Variants in CEP170 observed in about 807,000 individuals in gnomAD.
CEP170 encodes the protein centrosomal protein 170.
In CEP170, 21 loss-of-function variants were observed where a neutral mutation model predicts 151.9. The ratio of observed to expected loss-of-function variants is 0.14; its 90% CI spans 0.10 to 0.20. CEP170 has a LOEUF of 0.20. Ranked by LOEUF, CEP170 falls within the 10% of genes least tolerant of loss-of-function variation. The probability of loss-of-function intolerance (pLI) is 1.00; values close to 1 mark genes in which losing one functional copy is unlikely to be tolerated. For missense variants in CEP170, 964 were observed against 1,892.9 expected (o/e 0.51, Z 9.11); for synonymous variants, 356 against 648.8 (o/e 0.55, Z 6.86).
At chr1:243,152,820 C>T (rs900826030) in intron 14 of CEP170, among the ~76,000 whole-genome samples, 2 of 152,176 alleles carry the variant, frequency 1.3e-5, no homozygotes, top group Admixed American at 1.3e-4. Flanking sequence ...CGTGAACCAC[C>T]GTGCCTGGCC....
intron 4 of CEP170, among the ~76,000 whole-genome samples, chr1:243,202,544 T>G (rs1042675722): frequency 6.6e-6 from 1 of 151,882 alleles, no homozygotes; most frequent in Non-Finnish European, 1.5e-5. Flanking sequence ...CATATTTATA[T>G]AATATGAATT....
chr1:243,222,150 T>C (rs1572434944), intron 2 of CEP170, among the ~76,000 whole-genome samples: 1 of 152,358 alleles, frequency 6.6e-6, no homozygotes, highest in East Asian at 1.9e-4. Flanking sequence ...AATTTTACCA[T>C]GTTTTACATA....
At chr1:243,134,059 A>G (rs1422854181) in intron 17 of CEP170, among the ~76,000 whole-genome samples, 1 of 152,214 alleles carries the variant, frequency 6.6e-6, no homozygotes, top group Admixed American at 6.5e-5. Flanking sequence ...GATTTTAATA[A>G]TAAGAAAAAG....
upstream of CEP170, among the ~76,000 whole-genome samples, chr1:243,255,670 C>T (rs1408538608): frequency 2.0e-5 from 3 of 152,240 alleles, no homozygotes; most frequent in Admixed American, 2.0e-4. Context: ...TCAGAGTTTA[C>T]TATCTGCGTC....
intron 1 of CEP170, among the ~76,000 whole-genome samples, chr1:243,246,357 G>A (rs1055826059): frequency 1.3e-5 from 2 of 149,042 alleles, no homozygotes; most frequent in African/African-American, 5.0e-5. Context: ...TCAGCCTCCC[G>A]AGTAGCTGGG....
intron 4 of CEP170, among the ~76,000 whole-genome samples, chr1:243,205,727 C>CA (rs930444412): frequency 2.0e-5 from 3 of 152,024 alleles, no homozygotes; most frequent in Admixed American, 1.3e-4. Context: ...TAACACTCAG[C>CA]AAAGTAAAAT....
At position 243,206,918 on chromosome 1, in the gene CEP170, A is replaced by G. The variant is rs12563053; in HGVS notation, c.274+4968T>C. ...TCCTAAAGGTACCACTAAAACAACA[A>G]CAAAAAATTACGGCAAATAAGCCAA... On this transcript the variant is annotated intron_variant, in intron 4 of 19. Transcript: ENST00000366542. 3.9e-5 allele frequency among the ~76,000 whole-genome samples: 6 copies of G among 152,328 alleles called. No homozygotes were observed. The East Asian group carries it at 1.2e-3, about 29-fold the overall frequency.
chr1:243,131,310 G>A (rs2054377574), intron 17 of CEP170, among the ~76,000 whole-genome samples: 1 of 152,046 alleles, frequency 6.6e-6, no homozygotes, highest in African/African-American at 2.4e-5. Context: ...TGGGCAACAT[G>A]GCGAGACCTC....
At chr1:243,131,886 C>G (rs2054462290) in intron 17 of CEP170, among the ~76,000 whole-genome samples, 1 of 152,136 alleles carries the variant, frequency 6.6e-6, no homozygotes, top group Admixed American at 6.5e-5. Flanking sequence ...TTTAGGGAAA[C>G]AAACAGAAGT....
intron 14 of CEP170, among the ~76,000 whole-genome samples, chr1:243,142,991 C>A (rs991232229): frequency 5.3e-5 from 8 of 152,082 alleles, no homozygotes; most frequent in Non-Finnish European, 1.5e-5. Context: ...ATGGTCATCA[C>A]TGCTTCAAAA....
intron 2 of CEP170, among the ~76,000 whole-genome samples, chr1:243,223,581 G>A (rs1031179274): frequency 1.3e-5 from 2 of 152,166 alleles, no homozygotes; most frequent in South Asian, 2.1e-4. Flanking sequence ...GAACACTGAC[G>A]GTACATAAAC....
intron 4 of CEP170, 142 bp downstream of exon 4, chr1:243,211,744 T>C: frequency 1.1e-6 from 1 of 919,254 alleles, no homozygotes; most frequent in Non-Finnish European, 1.6e-6. Context: ...AAAATATATA[T>C]GTATTTTAGT....
chr1:243,230,520 G>A lies in CEP170; in HGVS notation c.-41-5199C>T, dbSNP rs1033114615. Among the ~76,000 whole-genome samples the A allele has an allele frequency of 2.6e-5, 4 of 152,086 alleles. No individual in the cohort carries two copies. The East Asian group carries it at 7.7e-4, about 29-fold the overall frequency. Reference sequence around the variant, plus strand: ...TCAACAAAAAAATTAGCAAAACAGTGTATGAAAAAAATGAGAATATCAGTA... The same window carrying A: ...TCAACAAAAAAATTAGCAAAACAGTATATGAAAAAAATGAGAATATCAGTA... On this transcript the variant is annotated intron_variant, in intron 1 of 19. Transcript: ENST00000366542.
intron 10 of CEP170, among the ~76,000 whole-genome samples, chr1:243,183,232 A>C (rs1313926197): frequency 1.3e-5 from 2 of 152,184 alleles, no homozygotes; most frequent in Non-Finnish European, 2.9e-5. Flanking sequence ...TTGCTAAATA[A>C]ATGAATCAAT....
chr1:243,226,058 G>GATATATATATCTAGAT (rs2063222478), intron 1 of CEP170, among the ~76,000 whole-genome samples: 16 of 109,898 alleles, frequency 1.5e-4, no homozygotes, highest in Non-Finnish European at 2.4e-4. Context: ...TATATATCTA[G>GATATATATATCTAGAT]ATATATATAT....
intron 14 of CEP170, among the ~76,000 whole-genome samples, chr1:243,153,873 C>G (rs2057333516): frequency 6.6e-6 from 1 of 152,192 alleles, no homozygotes; most frequent in South Asian, 2.1e-4. Context: ...ATCTGTAAAG[C>G]TGGTATTGTA....
intron 17 of CEP170, among the ~76,000 whole-genome samples, chr1:243,132,143 T>C (rs368260449): frequency 8.1e-4 from 124 of 152,286 alleles, no homozygotes; most frequent in African/African-American, 2.8e-3. Flanking sequence ...TGAACCCCAG[T>C]AGACATTTGA....
intron 17 of CEP170, among the ~76,000 whole-genome samples, chr1:243,130,370 T>C (rs1169129831): frequency 6.6e-6 from 1 of 152,184 alleles, no homozygotes; most frequent in East Asian, 1.9e-4. Flanking sequence ...AATAACCTAT[T>C]AGGAATTAGG....
chr1:243,142,227 A>G lies in CEP170; in HGVS notation c.4059+89T>C. ...CTTCATGCAAACAGGGAGGGTGGAC[A>G]TAACTGAAATAAACTAAGCAAAAAG... On this transcript the variant is annotated intron_variant, in intron 15 of 19. Coordinates refer to ENST00000366542, the MANE Select transcript of CEP170 (RefSeq NM_014812.3). The G allele has an allele frequency of 3.1e-6, 5 of 1,602,662 alleles. No homozygotes were observed. In the South Asian group the frequency reaches 4.5e-5, roughly 14 times the overall value.
Sources: allele counts gnomAD v4.1 joint callset (sites outside exome capture counted in the v4.1 genomes callset), GRCh38; gene constraint gnomAD v4.1.1; transcripts MANE v1.5; gene names NCBI Gene and HGNC (gene_info 2026-07-23, HGNC 2026-07-21).